ZBTB20: variants seen among roughly 807,000 people sequenced by gnomAD.
ZBTB20 encodes the protein zinc finger and BTB domain containing 20.
Under a neutral mutation model 56.9 loss-of-function variants are expected in ZBTB20, and 9 were observed. That is an observed-to-expected ratio of 0.16 (90% CI 0.10 to 0.28). ZBTB20 has a LOEUF of 0.28. Ranked by LOEUF, ZBTB20 falls within the 10% of genes least tolerant of loss-of-function variation. The pLI is 1.00. For synonymous variants in ZBTB20, 417 were observed against 420.7 expected (o/e 0.99, Z 0.11); for missense variants, 655 against 1,003.0 (o/e 0.65, Z 4.69).
At chr3:114,556,220 T>C (rs2051203666) in intron 6 of ZBTB20, among the ~76,000 whole-genome samples, 1 of 152,130 alleles carries the variant, frequency 6.6e-6, no homozygotes, top group South Asian at 2.1e-4. Flanking sequence ...TTATGTGGTA[T>C]GAACTCATGA....
chr3:114,704,025 T>C (rs925588909), intron 5 of ZBTB20, among the ~76,000 whole-genome samples: 2 of 152,176 alleles, frequency 1.3e-5, no homozygotes, highest in African/African-American at 4.8e-5. Context: ...TTCTGTACTT[T>C]TAAAAACACA....
chr3:114,795,275 T>C (rs1394514268), intron 5 of ZBTB20, among the ~76,000 whole-genome samples: 1 of 152,068 alleles, frequency 6.6e-6, no homozygotes, highest in Non-Finnish European at 1.5e-5. Flanking sequence ...TTTGAATTAA[T>C]TTTGATCTTG....
Position 114,331,276 on chromosome 3 carries a change from A to ACTGCTGCTCCCTCTTGT in ZBTB20, c.*7712_*7728dup, listed in dbSNP as rs2079246395. The ACTGCTGCTCCCTCTTGT allele has an allele frequency of 6.6e-6, 1 of 152,394 alleles. No homozygotes were observed. Among genetic ancestry groups the ACTGCTGCTCCCTCTTGT allele is most frequent in the Non-Finnish European group, 1.5e-5 (1 of 68,206 alleles). 9.4% of individuals were successfully genotyped at this position (152,394 alleles called of 1,614,324 possible). A position where few individuals can be genotyped will look rare whatever the true frequency, so the allele number is the denominator to read the frequency against. On this transcript the variant is annotated 3_prime_UTR_variant, in exon 12 of 12. Transcript: ENST00000675478. ...CAGGAGACCTGGGGAGACGCCCTGG[A>ACTGCTGCTCCCTCTTGT]CTGCTGCTCCCTCTTGTCTGCTCAC...
At chr3:114,810,421 A>G (rs1269350359) in intron 4 of ZBTB20, among the ~76,000 whole-genome samples, 1 of 152,160 alleles carries the variant, frequency 6.6e-6, no homozygotes, top group Non-Finnish European at 1.5e-5. Context: ...ACCTAAGGGC[A>G]TGGGGTTTTT....
At chr3:114,804,151 G>A (rs1346555929) in intron 4 of ZBTB20, among the ~76,000 whole-genome samples, 1 of 151,952 alleles carries the variant, frequency 6.6e-6, no homozygotes, top group Non-Finnish European at 1.5e-5. Flanking sequence ...GCTTTCCAGA[G>A]AAGTAGCAAA....
chr3:114,466,629 A>T (rs1367492722), intron 7 of ZBTB20, among the ~76,000 whole-genome samples: 2 of 152,232 alleles, frequency 1.3e-5, no homozygotes, highest in African/African-American at 4.8e-5. Flanking sequence ...GGCCTGGAAA[A>T]TGGAAGAGAT....
intron 7 of ZBTB20, among the ~76,000 whole-genome samples, chr3:114,475,393 G>A (rs544211198): frequency 9.5e-4 from 144 of 152,136 alleles, no homozygotes; most frequent in African/African-American, 3.3e-3. Flanking sequence ...TCTCAGCTCC[G>A]TTGCTAGATT....
At chr3:114,661,501 T>A (rs1203333332) in intron 6 of ZBTB20, among the ~76,000 whole-genome samples, 2 of 152,186 alleles carry the variant, frequency 1.3e-5, no homozygotes, top group African/African-American at 2.4e-5. Context: ...TTTTGCATAA[T>A]CTTCCTTCAA....
intron 2 of ZBTB20, among the ~76,000 whole-genome samples, chr3:114,983,119 G>T (rs772387256): frequency 2.6e-5 from 4 of 151,806 alleles, no homozygotes; most frequent in African/African-American, 4.8e-5. Context: ...AAATAATGCA[G>T]AAATTATACT....
intron 4 of ZBTB20, among the ~76,000 whole-genome samples, chr3:114,883,883 T>C (rs898413844): frequency 2.0e-5 from 3 of 147,986 alleles, no homozygotes; most frequent in African/African-American, 7.4e-5. Flanking sequence ...CTTGGTAAGA[T>C]TCAAGGGGTA....
At chr3:114,690,662 C>A (rs1192631610) in intron 6 of ZBTB20, among the ~76,000 whole-genome samples, 1 of 152,086 alleles carries the variant, frequency 6.6e-6, no homozygotes, top group African/African-American at 2.4e-5. Flanking sequence ...ATTTCTTTCC[C>A]CCCAAACATG....
chr3:114,537,351 A>G (rs956569460), intron 6 of ZBTB20, among the ~76,000 whole-genome samples: 16 of 152,250 alleles, frequency 1.1e-4, no homozygotes, highest in Admixed American at 9.8e-4. Context: ...TTCTCAAAAG[A>G]AGACATTTAT....
chr3:114,776,261 GA>G (rs374655709), intron 5 of ZBTB20, among the ~76,000 whole-genome samples: 5,008 of 136,062 alleles, frequency 0.037, 92 homozygotes, highest in African/African-American at 0.04. Context: ...TAATTTAAAT[GA>G]AAAAAAAAAA....
At chr3:114,642,879 C>T (rs987126661) in intron 6 of ZBTB20, among the ~76,000 whole-genome samples, 1 of 151,906 alleles carries the variant, frequency 6.6e-6, no homozygotes, top group Non-Finnish European at 1.5e-5. Context: ...GAATGCAATC[C>T]TAGAACATAC....
intron 6 of ZBTB20, among the ~76,000 whole-genome samples, chr3:114,588,922 C>T (rs1305111830): frequency 6.6e-6 from 1 of 152,224 alleles, no homozygotes; most frequent in Non-Finnish European, 1.5e-5. Context: ...AGGAAACTTA[C>T]AATCATAGCA....
At chr3:115,041,274 C>T (rs1374058134) in intron 2 of ZBTB20, among the ~76,000 whole-genome samples, 1 of 152,142 alleles carries the variant, frequency 6.6e-6, no homozygotes, top group African/African-American at 2.4e-5. Flanking sequence ...ACCATTACCA[C>T]ATGGACAAAC....
chr3:114,343,352 T>G (rs2079938601), intron 11 of ZBTB20, among the ~76,000 whole-genome samples: 1 of 152,172 alleles, frequency 6.6e-6, no homozygotes, highest in Non-Finnish European at 1.5e-5. Context: ...TCTCCTGAGC[T>G]GTGAAAAAGA....
At chr3:114,820,765 G>T (rs950884692) in intron 4 of ZBTB20, among the ~76,000 whole-genome samples, 13 of 151,810 alleles carry the variant, frequency 8.6e-5, no homozygotes, top group Non-Finnish European at 1.8e-4. Flanking sequence ...TTTTAGTGCT[G>T]AAGAACACAA....
chr3:114,777,824 AG>A (rs922084191), intron 5 of ZBTB20, among the ~76,000 whole-genome samples: 2 of 152,024 alleles, frequency 1.3e-5, no homozygotes, highest in African/African-American at 4.8e-5. Context: ...TATTCACAAT[AG>A]CAAAGACTTG....
Sources: gnomAD v4.1 joint callset for allele counts (sites outside exome capture counted in the v4.1 genomes callset) on GRCh38, gnomAD v4.1.1 for gene constraint, MANE v1.5 for transcripts, NCBI Gene and HGNC (gene_info 2026-07-23, HGNC 2026-07-21) for gene names.